OR3A2: variants seen among roughly 807,000 people sequenced by gnomAD.
OR3A2 encodes the protein olfactory receptor 3A2.
For synonymous variants in OR3A2, 126 were observed against 159.3 expected (o/e 0.79, Z 1.57); for missense variants, 318 against 392.8 (o/e 0.81, Z 1.61).
chr17:3,297,609 G>A lies in OR3A2; in HGVS notation c.-84-18456C>T, dbSNP rs536780976. Among the ~76,000 whole-genome samples, 4 of 151,644 alleles carry A rather than the reference G, an allele frequency of 2.6e-5. No homozygotes were observed. In the South Asian group the frequency reaches 8.3e-4, roughly 31 times the overall value. On this transcript the variant is annotated intron_variant, in intron 3 of 4. Transcript: ENST00000573491. ...CTTAGCTCTGTTAACCTCTCACACG[G>A]ACATTTCTCTATAGAGCACACCTCC...
chr17:3,367,891 C>T (rs1260287372), intron 2 of OR3A2, among the ~76,000 whole-genome samples: 2 of 152,062 alleles, frequency 1.3e-5, no homozygotes, highest in African/African-American at 4.8e-5. Context: ...ACCACATCCA[C>T]ACCAGTATCT....
In OR3A2 at chr17:3,360,721, T is replaced by C. The variant is rs1219880489; in HGVS notation, c.-179+23083A>G. Among the ~76,000 whole-genome samples, 5 of 151,814 alleles carry C rather than the reference T, an allele frequency of 3.3e-5. No homozygotes were observed. The East Asian group carries it at 5.8e-4, about 18-fold the overall frequency. Reference sequence around the variant, plus strand: ...TTTCTCAGGTTTGTCAAAGATCAGATAGTTGTAGATGTGTGGTATTGTTTC... The same window carrying C: ...TTTCTCAGGTTTGTCAAAGATCAGACAGTTGTAGATGTGTGGTATTGTTTC... On this transcript the variant is annotated intron_variant, in intron 2 of 4. Coordinates refer to the OR3A2 transcript ENST00000573491.
In OR3A2 at chr17:3,347,168, G is replaced by T. The variant is rs1268326454; in HGVS notation, c.-178-11042C>A. On this transcript the variant is annotated intron_variant, in intron 2 of 4. Coordinates refer to the OR3A2 transcript ENST00000573491. The stretch of plus-strand genomic sequence containing the variant: ...TACATTTCTACCAATGGTGTATAAG[G>T]GTTCCCTTTTCTCCACAACTCAATG... 9.2e-5 allele frequency among the ~76,000 whole-genome samples: 14 copies of T among 152,006 alleles called. No individual in the cohort carries two copies. The South Asian group carries it at 2.7e-3, about 29-fold the overall frequency.
chr17:3,291,414 G>A lies in OR3A2; in HGVS notation c.-84-12261C>T, dbSNP rs191775795. 1.6e-5 allele frequency: 7 copies of A among 444,166 alleles called. No individual in the cohort carries two copies. The East Asian group carries it at 2.3e-4, about 15-fold the overall frequency. 27.5% of individuals were successfully genotyped at this position (444,166 alleles called of 1,614,324 possible). On this transcript the variant is annotated intron_variant, in intron 3 of 4. Transcript: ENST00000573491. ...GAAAGGAGAGAACACGGTGCCTGAA[G>A]CTGAATTTGTCTAAGGGGCTGGCTT...
intron 2 of OR3A2, among the ~76,000 whole-genome samples, chr17:3,363,814 A>G (rs1479254601): frequency 2.0e-5 from 3 of 152,222 alleles, no homozygotes; most frequent in Admixed American, 2.0e-4. Flanking sequence ...GAAACTTACA[A>G]TCATGACAGA....
chr17:3,378,320 C>G (rs575111132), intron 2 of OR3A2, among the ~76,000 whole-genome samples: 3 of 152,342 alleles, frequency 2.0e-5, no homozygotes, highest in East Asian at 3.9e-4. Flanking sequence ...GGGGCTGGCA[C>G]GTCAGCCCCC....
In OR3A2 at chr17:3,278,840, CA is replaced by C; in HGVS notation, c.77del (p.Met26SerfsTer93). On this transcript the variant is annotated frameshift_variant, in exon 2 of 2. Transcript: ENST00000642052. LOFTEE classifies it low-confidence loss of function (END_TRUNC). Reference sequence around the variant, plus strand: ...GGAGGAGCACAAAGACAACTGGCTGCATCTCTTCTGTTTGCACTAGGCCCAG... The same window carrying C: ...GGAGGAGCACAAAGACAACTGGCTGCTCTCTTCTGTTTGCACTAGGCCCAG... The C allele has an allele frequency of 6.5e-7, 1 of 1,535,394 alleles. No individual in the cohort carries two copies. The highest frequency in any genetic ancestry group is 8.8e-7 in the Non-Finnish European group (1 of 1,137,210).
chr17:3,294,227 G>A (rs1201702470), intron 3 of OR3A2, among the ~76,000 whole-genome samples: 2 of 151,062 alleles, frequency 1.3e-5, no homozygotes, highest in African/African-American at 4.9e-5. Flanking sequence ...TAAGAAAACA[G>A]AGTAAAAATA....
chr17:3,294,544 A>G (rs2048904671), intron 3 of OR3A2, among the ~76,000 whole-genome samples: 1 of 152,222 alleles, frequency 6.6e-6, no homozygotes, highest in Non-Finnish European at 1.5e-5. Flanking sequence ...TAATTAAAAA[A>G]TTACAGAAAC....
chr17:3,278,518 T>C lies in OR3A2; in HGVS notation c.400A>G (p.Thr134Ala), dbSNP rs199590007. The C allele has an allele frequency of 1.3e-4, 210 of 1,612,908 alleles. 1 individual carries two copies. The East Asian group carries it at 4.4e-3, about 34-fold the overall frequency. Reference sequence around the variant, plus strand: ...GTCTGACTCATGCGGGTGCTGTAGGTGAGGGGCTGGCAGATGGCCAGGAGT... The same window carrying C: ...GTCTGACTCATGCGGGTGCTGTAGGCGAGGGGCTGGCAGATGGCCAGGAGT... Residue 134 changes from threonine (T) to alanine (A), a missense_variant, in exon 2 of 2, where the codon ACC becomes GCC. Physicochemically the swap from Thr to Ala is moderately conservative, Grantham distance 58. Transcript: ENST00000642052.
intron 2 of OR3A2, among the ~76,000 whole-genome samples, chr17:3,367,972 T>C (rs1417320184): frequency 6.6e-6 from 1 of 152,220 alleles, no homozygotes; most frequent in African/African-American, 2.4e-5. Context: ...GGTTTTGATA[T>C]GCATTTCCCT....
exon 1 of OR3A2, chr17:3,386,250 G>C: frequency 2.5e-6 from 1 of 398,772 alleles, no homozygotes. Flanking sequence ...TCGTGGCTCT[G>C]GGCATCACCG....
chr17:3,357,960 G>A (rs556273281), intron 2 of OR3A2, among the ~76,000 whole-genome samples: 1 of 151,700 alleles, frequency 6.6e-6, no homozygotes, highest in South Asian at 2.1e-4. Flanking sequence ...AGAGATCAGA[G>A]TGGGGGTCAG....
rs1015209146 is a variant in OR3A2 at position 3,297,764 on chromosome 17, T to C, written c.-84-18611A>G. 5.9e-5 allele frequency among the ~76,000 whole-genome samples: 9 copies of C among 152,154 alleles called. 1 individual carries two copies. The highest frequency in any genetic ancestry group is 2.2e-4 in the African/African-American group (9 of 41,416). ...TAAATAAATAAATGAACTTTGAAAG[T>C]ATGACCGTAAGAGCAACAATATTTC... On this transcript the variant is annotated intron_variant, in intron 3 of 4. Coordinates refer to the OR3A2 transcript ENST00000573491.
chr17:3,353,206 C>T (rs1439131074), intron 2 of OR3A2, among the ~76,000 whole-genome samples: 1 of 150,868 alleles, frequency 6.6e-6, no homozygotes, highest in Non-Finnish European at 1.5e-5. Flanking sequence ...ATTTATGTTT[C>T]AGCAACAGTG....
chr17:3,355,250 G>A lies in OR3A2; in HGVS notation c.-178-19124C>T, dbSNP rs1027519053. Among the ~76,000 whole-genome samples, 8 of 151,474 alleles carry A rather than the reference G, an allele frequency of 5.3e-5. 1 individual carries two copies. Among genetic ancestry groups the A allele is most frequent in the African/African-American group, 2.0e-4 (8 of 41,002 alleles). On this transcript the variant is annotated intron_variant, in intron 2 of 4. Transcript: ENST00000573491. ...TATCATTGAGAATGATCCATGTGCT[G>A]AGGAAAAGAATGTGTATTCTGCAGC...
chr17:3,330,517 G>C (rs371638287), intron 3 of OR3A2, among the ~76,000 whole-genome samples: 7 of 152,206 alleles, frequency 4.6e-5, no homozygotes, highest in East Asian at 3.9e-4. Context: ...TGATTTATCA[G>C]AGACTAGGAT....
intron 3 of OR3A2, among the ~76,000 whole-genome samples, chr17:3,301,154 G>A (rs1039961775): frequency 4.6e-5 from 7 of 152,108 alleles, no homozygotes; most frequent in Non-Finnish European, 7.3e-5. Flanking sequence ...ATAAACATAC[G>A]TGTGCATGTG....
intron 2 of OR3A2, among the ~76,000 whole-genome samples, chr17:3,380,342 C>G (rs551853237): frequency 6.6e-6 from 1 of 152,130 alleles, no homozygotes; most frequent in African/African-American, 2.4e-5. Flanking sequence ...TAGGTGGGTT[C>G]GGAGCCCAGG....
Sources: gnomAD v4.1 joint callset for allele counts (sites outside exome capture counted in the v4.1 genomes callset) on GRCh38, gnomAD v4.1.1 for gene constraint, MANE v1.5 for transcripts, NCBI Gene and HGNC (gene_info 2026-07-23, HGNC 2026-07-21) for gene names.